The following JAM2 variants were observed in gnomAD, a reference collection of about 807,000 sequenced individuals.
JAM2 encodes the protein junctional adhesion molecule B.
A neutral mutation model predicts 42.0 loss-of-function variants in JAM2; 17 were observed. The ratio of observed to expected loss-of-function variants is 0.40; its 90% CI spans 0.28 to 0.61. The LOEUF (loss-of-function observed/expected upper bound fraction) is 0.61, where lower values mean the gene tolerates loss of function less well. Among genes scored for constraint, JAM2 ranks in the 20% least tolerant of loss-of-function variants. The probability of loss-of-function intolerance (pLI) is 0.37; values close to 1 mark genes in which losing one functional copy is unlikely to be tolerated. For synonymous variants in JAM2, 118 were observed against 128.6 expected (o/e 0.92, Z 0.56); for missense variants, 319 against 358.3 (o/e 0.89, Z 0.89).
chr21:25,668,407 C>T (rs2033274978), intron 1 of JAM2, among the ~76,000 whole-genome samples: 1 of 152,148 alleles, frequency 6.6e-6, no homozygotes, highest in Non-Finnish European at 1.5e-5. Context: ...GATGTTAGTG[C>T]TCAGACCACA....
At chr21:25,704,974 A>G (rs1359284346) in intron 6 of JAM2, among the ~76,000 whole-genome samples, 2 of 152,242 alleles carry the variant, frequency 1.3e-5, no homozygotes, top group Non-Finnish European at 2.9e-5. Flanking sequence ...GAAGAAGAAA[A>G]AAACTTCACA....
Position 25,716,359 on chromosome 21 carries a change from T to A in JAM2, c.*1687T>A, listed in dbSNP as rs2034480909. ...AATTGGCGAAGCAAATCCCCAGGAT[T>A]CACCGAACAAATGGATTAAGCACCC... On this transcript the variant is annotated 3_prime_UTR_variant, in exon 10 of 10. Transcript: ENST00000480456. The A allele has an allele frequency of 6.6e-6, 1 of 152,198 alleles. No homozygotes were observed. Among genetic ancestry groups the A allele is most frequent in the African/African-American group, 2.4e-5 (1 of 41,434 alleles). The allele number at this position is 152,198 out of a possible 1,614,324, so 9.4% of individuals were successfully genotyped here.
chr21:25,674,941 ATTTG>A (rs761099859), intron 1 of JAM2, among the ~76,000 whole-genome samples: 2 of 151,932 alleles, frequency 1.3e-5, no homozygotes, highest in Non-Finnish European at 2.9e-5. Flanking sequence ...AACTTTTTAT[ATTTG>A]TTAGTATATG....
At chr21:25,641,216 T>C (rs919166434) in intron 1 of JAM2, among the ~76,000 whole-genome samples, 5 of 21,092 alleles carry the variant, frequency 2.4e-4, no homozygotes, top group African/African-American at 5.4e-4. Context: ...GAGAAATCGT[T>C]AACAGAACAA....
rs1484197615 is a variant in JAM2, at chr21:25,717,509, C to A, written c.*2837C>A. 1.9e-6 allele frequency: 2 copies of A among 1,026,070 alleles called. No homozygotes were observed. The allele number at this position is 1,026,070 out of a possible 1,614,324, so 63.6% of individuals were successfully genotyped here. ...CTTTTCAATACAACTTTGCAAAGAA[C>A]TTCCTTTTTCCACAGGTGGCTTTGT... On this transcript the variant is annotated 3_prime_UTR_variant, in exon 10 of 10. Transcript: ENST00000480456.
intron 6 of JAM2, among the ~76,000 whole-genome samples, chr21:25,705,039 G>A (rs1295492406): frequency 3.3e-5 from 5 of 152,120 alleles, no homozygotes; most frequent in Admixed American, 3.3e-4. Context: ...ATTAGAGGAC[G>A]GATGCCTTAA....
chr21:25,700,979 A>C (rs2034153492), intron 5 of JAM2, among the ~76,000 whole-genome samples: 3 of 152,250 alleles, frequency 2.0e-5, no homozygotes, highest in Non-Finnish European at 4.4e-5. Flanking sequence ...GAAAGGATAC[A>C]GATTCACTTT....
chr21:25,671,454 T>C (rs2033358848), intron 1 of JAM2, among the ~76,000 whole-genome samples: 1 of 152,176 alleles, frequency 6.6e-6, no homozygotes, highest in African/African-American at 2.4e-5. Flanking sequence ...TGTATCCCTT[T>C]ATGTGCCTAT....
intron 4 of JAM2, among the ~76,000 whole-genome samples, chr21:25,697,951 ACT>A (rs1300585243): frequency 1.6e-4 from 21 of 134,122 alleles, no homozygotes; most frequent in Non-Finnish European, 2.5e-4. Flanking sequence ...ACACACACAC[ACT>A]CTCTCTCTCG....
chr21:25,703,159 A>G (rs2123406726), intron 6 of JAM2, among the ~76,000 whole-genome samples: 1 of 152,254 alleles, frequency 6.6e-6, no homozygotes, highest in South Asian at 2.1e-4. Context: ...GCCTGTCCTC[A>G]TGGTTTTTAC....
At chr21:25,705,926 C>A (rs1601063330) in intron 6 of JAM2, 53 bp from the exon 7 acceptor site, 1 of 1,174,582 alleles carries the variant, frequency 8.5e-7, no homozygotes, top group Non-Finnish European at 1.3e-6. Context: ...TTAATGACTG[C>A]ATCTGTCCGT....
chr21:25,666,546 T>A (rs2033229431), intron 1 of JAM2, among the ~76,000 whole-genome samples: 1 of 152,032 alleles, frequency 6.6e-6, no homozygotes, highest in Admixed American at 6.6e-5. Context: ...GCTATTTTTT[T>A]ATTTTTTTGA....
At chr21:25,673,385 GAATCAT>G (rs1038892285) in intron 1 of JAM2, among the ~76,000 whole-genome samples, 2 of 152,118 alleles carry the variant, frequency 1.3e-5, no homozygotes, top group African/African-American at 4.8e-5. Context: ...CCTCAATTCT[GAATCAT>G]CAGTAGTCCC....
rs1352830630 is a variant in JAM2 at position 25,715,207 on chromosome 21, A to G, written c.*535A>G. 1 of 152,386 alleles carries G rather than the reference A, an allele frequency of 6.6e-6. No individual in the cohort carries two copies. Among genetic ancestry groups the G allele is most frequent in the Non-Finnish European group, 1.5e-5 (1 of 68,126 alleles). The allele number at this position is 152,386 out of a possible 1,614,324, so 9.4% of individuals were successfully genotyped here. ...AGGAAGCGGGATGGGTCTTATGCCC[A>G]AGGATTTGCACTTTGTGTTTACTTC... On this transcript the variant is annotated 3_prime_UTR_variant, in exon 10 of 10. Coordinates refer to ENST00000480456, the MANE Select transcript of JAM2 (RefSeq NM_021219.4).
chr21:25,688,466 G>C (rs888776666), intron 2 of JAM2, among the ~76,000 whole-genome samples: 1 of 152,202 alleles, frequency 6.6e-6, no homozygotes, highest in African/African-American at 2.4e-5. Context: ...TACAACTCAA[G>C]ACTCCGGAAG....
intron 2 of JAM2, among the ~76,000 whole-genome samples, chr21:25,685,306 T>C (rs1389794351): frequency 6.6e-6 from 1 of 151,894 alleles, no homozygotes; most frequent in Non-Finnish European, 1.5e-5. Flanking sequence ...CTCAAACTCC[T>C]GAGGCCAGGA....
chr21:25,678,803 C>T lies in JAM2; in HGVS notation c.68-5080C>T, dbSNP rs141432566. 3.8e-3 allele frequency among the ~76,000 whole-genome samples: 577 copies of T among 152,176 alleles called. 5 individuals carry two copies. The highest frequency in any genetic ancestry group is 0.014 in the African/African-American group (561 of 41,528). ...GTAATTTGTGTCCCACAGACTTTTGCAAATTAAAAAAATATATATTTTGAG... is the reference window on the plus strand; with the variant it reads ...GTAATTTGTGTCCCACAGACTTTTGTAAATTAAAAAAATATATATTTTGAG... On this transcript the variant is annotated intron_variant, in intron 1 of 9. Coordinates refer to ENST00000480456, the MANE Select transcript of JAM2 (RefSeq NM_021219.4).
chr21:25,671,745 G>A (rs1397488606), intron 1 of JAM2, among the ~76,000 whole-genome samples: 3 of 152,198 alleles, frequency 2.0e-5, no homozygotes, highest in African/African-American at 7.2e-5. Context: ...CTGACCTCAA[G>A]CAATCTGCTG....
At chr21:25,713,828 C>T (rs2034429523) in intron 9 of JAM2, among the ~76,000 whole-genome samples, 1 of 152,192 alleles carries the variant, frequency 6.6e-6, no homozygotes, top group Non-Finnish European at 1.5e-5. Flanking sequence ...ACTCCCATCC[C>T]TCCAAACAGT....
Sources: gnomAD v4.1 joint callset for allele counts (sites outside exome capture counted in the v4.1 genomes callset) on GRCh38, gnomAD v4.1.1 for gene constraint, MANE v1.5 for transcripts, NCBI Gene and HGNC (gene_info 2026-07-23, HGNC 2026-07-21) for gene names.